C16orf89: variants seen among roughly 807,000 people sequenced by gnomAD.
C16orf89 encodes UPF0764 protein C16orf89.
In C16orf89, 57 loss-of-function variants were observed where a neutral mutation model predicts 41.5. The ratio of observed to expected loss-of-function variants is 1.38; its 90% confidence interval spans 1.11 to 1.71. The LOEUF (loss-of-function observed/expected upper bound fraction) is 1.71. C16orf89 is among the 40% of genes most tolerant of loss of function. The pLI is 0.00. For missense variants in C16orf89, 575 were observed against 445.9 expected (o/e 1.29, Z -2.61); for synonymous variants, 223 against 190.6 (o/e 1.17, Z -1.40).
chr16:5,058,788 C>G (rs1956560660), intron 3 of C16orf89, among the ~76,000 whole-genome samples, 178 bp from the exon 4 acceptor site: 1 of 152,088 alleles, frequency 6.6e-6, no homozygotes, highest in South Asian at 2.1e-4. Context: ...TCTGGCTGCC[C>G]TAGCCCAGGA....
intron 2 of C16orf89, among the ~76,000 whole-genome samples, chr16:5,062,167 G>A (rs1272459626): frequency 2.6e-5 from 4 of 152,176 alleles, no homozygotes; most frequent in Admixed American, 6.5e-5. Flanking sequence ...CAGCTTGTGC[G>A]TGCGCTGAAT....
chr16:5,060,220 G>C, intron 3 of C16orf89, 66 bp downstream of exon 3: 7 of 1,498,604 alleles, frequency 4.7e-6, no homozygotes, highest in Non-Finnish European at 6.3e-6. Context: ...AAGGAGGAGC[G>C]GGACAGGACC....
At chr16:5,060,835 A>G (rs996548514) in intron 2 of C16orf89, among the ~76,000 whole-genome samples, 1 of 151,956 alleles carries the variant, frequency 6.6e-6, no homozygotes, top group Admixed American at 6.6e-5. Context: ...CTCTGTCTCC[A>G]CAAAAATAAA....
At chr16:5,055,449 G>C (rs1956478776) in intron 5 of C16orf89, 99 bp from the exon 6 acceptor site, 2 of 1,188,052 alleles carry the variant, frequency 1.7e-6, no homozygotes, top group Non-Finnish European at 1.2e-6. Flanking sequence ...TCATCTGCCT[G>C]GGTTAGGCTT....
At chr16:5,061,265 A>C (rs1209921905) in intron 2 of C16orf89, among the ~76,000 whole-genome samples, 1 of 33,530 alleles carries the variant, frequency 3.0e-5, no homozygotes, top group Non-Finnish European at 7.0e-5. Context: ...CCATCTCAAG[A>C]AAAAAAAAAA....
In C16orf89 at chr16:5,065,773, C is replaced by G. The variant is rs757894170; in HGVS notation, c.136G>C (p.Ala46Pro). 4.3e-6 allele frequency: 7 copies of G among 1,614,200 alleles called. No homozygotes were observed. The highest frequency in any genetic ancestry group is 5.9e-6 in the Non-Finnish European group (7 of 1,179,996). The part of the protein sequence containing the change: ...ADLILSALER[A>P]TVFLEQRLPE... Reference sequence around the variant, plus strand: ...AGCCTCTGTTCTAGGAAGACGGTGGCTCTCTCCAGCGCAGACAGGATCAGG... The same window carrying G: ...AGCCTCTGTTCTAGGAAGACGGTGGGTCTCTCCAGCGCAGACAGGATCAGG... The change falls in exon 1 of 8, where the codon GCC becomes CCC. Residue 46 changes from alanine (A) to proline (P), a missense_variant. By Grantham distance (27) the Ala-to-Pro change is conservative. Transcript: ENST00000472572.
chr16:5,061,504 A>AAAGAAC (rs1567159542), intron 2 of C16orf89, among the ~76,000 whole-genome samples: 1 of 62,618 alleles, frequency 1.6e-5, no homozygotes, highest in African/African-American at 5.4e-5. Context: ...AAAAAAAAAA[A>AAAGAAC]CCCCCCCAAA....
intron 2 of C16orf89, among the ~76,000 whole-genome samples, chr16:5,060,974 G>C (rs1483933759): frequency 7.8e-6 from 1 of 127,928 alleles, no homozygotes; most frequent in African/African-American, 2.9e-5. Context: ...TTTTTTAAGA[G>C]GCAGGGCCAA....
rs61292771 is a variant in C16orf89, at chr16:5,046,078, G to A, written c.956-1600C>T. Among the ~76,000 whole-genome samples, 526 of 152,220 alleles carry A rather than the reference G, an allele frequency of 3.5e-3. 9 individuals carry two copies. Among genetic ancestry groups the A allele is most frequent in the African/African-American group, 0.012 (512 of 41,558 alleles). On this transcript the variant is annotated intron_variant, in intron 7 of 7. Coordinates refer to ENST00000472572, the MANE Select transcript of C16orf89 (RefSeq NM_001098514.3). ...CTCTGTGTCATAAAGGCCTAGCTAG[G>A]GTAGGACCTCTGGAAGTCTCCTGGG...
intron 1 of C16orf89, 61 bp from the exon 2 acceptor site, chr16:5,062,635 G>A (rs181781915): frequency 0.013 from 18,608 of 1,473,084 alleles, 154 homozygotes; most frequent in Non-Finnish European, 0.015. Context: ...TTTTGCCTTG[G>A]AACAAGAAAA....
intron 2 of C16orf89, 33 bp from the exon 3 acceptor site, chr16:5,060,469 G>A: frequency 1.3e-6 from 2 of 1,593,704 alleles, no homozygotes; most frequent in Non-Finnish European, 8.6e-7. Flanking sequence ...GGGGTGGGGT[G>A]TGGGGGTGAC....
intron 4 of C16orf89, 117 bp from the exon 5 acceptor site, chr16:5,056,305 C>T: frequency 2.0e-6 from 2 of 994,492 alleles, no homozygotes; most frequent in Non-Finnish European, 2.9e-6. Flanking sequence ...GTGTTTAGGG[C>T]TGTGTTTAGG....
chr16:5,065,897 C>A lies in C16orf89; in HGVS notation c.12G>T (p.Leu4=), dbSNP rs376866956. 3.1e-6 allele frequency: 5 copies of A among 1,613,426 alleles called. No homozygotes were observed. The highest frequency in any genetic ancestry group is 1.3e-5 in the African/African-American group (1 of 74,926). The change falls in exon 1 of 8, where the codon CTG becomes CTT. Residue 4 remains leucine (L), a synonymous_variant. Coordinates refer to ENST00000472572, the MANE Select transcript of C16orf89 (RefSeq NM_001098514.3). MAS[L]GLLLLLLLTA... is the part of the protein sequence containing the mutation. ...TCAGTAAGAGCAGGAGCAGCAGCCC[C>A]AGGCTGGCCATGGCCGGCCTCTGCT...
At chr16:5,064,745 G>A (rs772651871) in intron 1 of C16orf89, among the ~76,000 whole-genome samples, 6 of 152,326 alleles carry the variant, frequency 3.9e-5, no homozygotes, top group Non-Finnish European at 8.8e-5. Context: ...GGGATGTGGC[G>A]TGGGTGGAGA....
intron 6 of C16orf89, among the ~76,000 whole-genome samples, chr16:5,049,755 A>G (rs1052192218): frequency 1.3e-5 from 2 of 152,206 alleles, no homozygotes; most frequent in Non-Finnish European, 2.9e-5. Flanking sequence ...AAAAAGCAGA[A>G]AGATTTCAAA....
At chr16:5,061,733 C>CCGTG (rs1236883215) in intron 2 of C16orf89, among the ~76,000 whole-genome samples, 1 of 152,138 alleles carries the variant, frequency 6.6e-6, no homozygotes, top group African/African-American at 2.4e-5. Context: ...GGCTGGACTG[C>CCGTG]CGTGTGAGCA....
Position 5,044,247 on chromosome 16 carries a change from T to A in C16orf89, c.*101A>T. On this transcript the variant is annotated 3_prime_UTR_variant, in exon 8 of 8. Coordinates refer to ENST00000472572, the MANE Select transcript of C16orf89 (RefSeq NM_001098514.3). ...GGGGTGGCTTTGCTTATCCTCCAGA[T>A]GCCTTCTTCCCAGGATGTGATCCGT... 1 of 1,459,284 alleles carries A rather than the reference T, an allele frequency of 6.9e-7. No individual in the cohort carries two copies. Among genetic ancestry groups the A allele is most frequent in the Non-Finnish European group, 9.0e-7 (1 of 1,110,356 alleles). The allele number at this position is 1,459,284 out of a possible 1,614,324, so 90.4% of individuals were successfully genotyped here. A position where few individuals can be genotyped will look rare whatever the true frequency, so the allele number is the denominator to read the frequency against.
intron 1 of C16orf89, among the ~76,000 whole-genome samples, chr16:5,065,112 A>G (rs941435279): frequency 6.6e-6 from 1 of 151,610 alleles, no homozygotes; most frequent in South Asian, 2.1e-4. Context: ...TGTGATGTGC[A>G]TGTGTGTGTG....
At chr16:5,058,950 C>G (rs1242056938) in intron 3 of C16orf89, among the ~76,000 whole-genome samples, 1 of 152,008 alleles carries the variant, frequency 6.6e-6, no homozygotes, top group Non-Finnish European at 1.5e-5. Flanking sequence ...GCTTATTCCT[C>G]CTGCACCAGC....
Sources: gnomAD v4.1 joint callset for allele counts (sites outside exome capture counted in the v4.1 genomes callset) on GRCh38, gnomAD v4.1.1 for gene constraint, MANE v1.5 for transcripts, NCBI Gene and HGNC (gene_info 2026-07-23, HGNC 2026-07-21) for gene names.